The following BTC variants were observed in gnomAD, a reference collection of about 807,000 sequenced individuals.
BTC encodes the protein betacellulin.
Under a neutral mutation model 18.1 loss-of-function variants are expected in BTC, and 13 were observed. The ratio of observed to expected loss-of-function variants is 0.72; its 90% CI spans 0.47 to 1.14. The LOEUF is 1.14. Ranked by LOEUF, BTC falls within the 50% of genes most tolerant of loss-of-function variation. BTC has a pLI of 0.00. For missense variants in BTC, 247 were observed against 224.2 expected, an observed-to-expected ratio of 1.10 and a Z score of -0.65; for synonymous variants, 83 against 79.4, an observed-to-expected ratio of 1.05 and a Z score of -0.24.
At chr4:74,787,523 G>A (rs140816663) in intron 1 of BTC, among the ~76,000 whole-genome samples, 72 of 152,200 alleles carry the variant, frequency 4.7e-4, no homozygotes, top group African/African-American at 1.6e-3. Context: ...GCCATCTTGA[G>A]CAATATAAAA....
chr4:74,773,634 CAG>C (rs1368893501), intron 1 of BTC, among the ~76,000 whole-genome samples: 1 of 147,570 alleles, frequency 6.8e-6, no homozygotes, highest in East Asian at 2.0e-4. Context: ...TTTTTTTAGA[CAG>C]AGTCTCACTC....
At chr4:74,752,582 T>C (rs1477768695) in intron 3 of BTC, among the ~76,000 whole-genome samples, 1 of 152,004 alleles carries the variant, frequency 6.6e-6, no homozygotes, top group Non-Finnish European at 1.5e-5. Flanking sequence ...GTTTCCACCA[T>C]GTTAGCCAGG....
chr4:74,773,995 C>T lies in BTC; in HGVS notation c.65-3839G>A, dbSNP rs148326337. On this transcript the variant is annotated intron_variant, in intron 1 of 5. Coordinates refer to ENST00000395743, the MANE Select transcript of BTC (RefSeq NM_001729.4). The stretch of plus-strand genomic sequence containing the variant: ...GTAATAGGATAGAGAATCAACTCTG[C>T]CTAGTGGCAAAGACTTCATGGAGAA... Among the ~76,000 whole-genome samples, 21 of 152,190 alleles carry T rather than the reference C, an allele frequency of 1.4e-4. No homozygotes were observed. The East Asian group carries it at 3.7e-3, about 27-fold the overall frequency.
chr4:74,760,654 G>A (rs958916793), intron 2 of BTC, among the ~76,000 whole-genome samples: 2 of 151,986 alleles, frequency 1.3e-5, no homozygotes, highest in Admixed American at 1.3e-4. Flanking sequence ...TCTCACAGAG[G>A]TACATGTTAA....
chr4:74,760,833 C>T (rs1480914598), intron 2 of BTC, among the ~76,000 whole-genome samples: 4 of 151,626 alleles, frequency 2.6e-5, no homozygotes, highest in Non-Finnish European at 5.9e-5. Flanking sequence ...CTCCCGGGTT[C>T]ACGCCATTCT....
chr4:74,761,337 T>C (rs1553957304), intron 2 of BTC, among the ~76,000 whole-genome samples: 1 of 152,166 alleles, frequency 6.6e-6, no homozygotes, highest in Admixed American at 6.5e-5. Context: ...TCCCTGAACC[T>C]CTAAAATTTT....
chr4:74,754,528 G>A (rs1347049101), intron 3 of BTC, among the ~76,000 whole-genome samples: 1 of 152,176 alleles, frequency 6.6e-6, no homozygotes, highest in Non-Finnish European at 1.5e-5. Flanking sequence ...GAGATGATGA[G>A]TGCAGTGCAT....
intron 2 of BTC, among the ~76,000 whole-genome samples, chr4:74,765,974 C>A (rs568015954): frequency 6.6e-6 from 1 of 152,066 alleles, no homozygotes; most frequent in African/African-American, 2.4e-5. Context: ...TAGCTTATTG[C>A]TCTGAGGCTA....
intron 2 of BTC, among the ~76,000 whole-genome samples, chr4:74,758,478 C>T (rs1471027172): frequency 6.6e-6 from 1 of 152,076 alleles, no homozygotes; most frequent in African/African-American, 2.4e-5. Context: ...AGGAGATTAA[C>T]TCAAGAGGCA....
chr4:74,775,938 T>C (rs1725164503), intron 1 of BTC, among the ~76,000 whole-genome samples: 1 of 152,160 alleles, frequency 6.6e-6, no homozygotes, highest in Non-Finnish European at 1.5e-5. Flanking sequence ...CTGTCCTAAA[T>C]GCAAAGTCAA....
chr4:74,772,760 A>G (rs1056430347), intron 1 of BTC, among the ~76,000 whole-genome samples: 4 of 152,184 alleles, frequency 2.6e-5, no homozygotes, highest in Non-Finnish European at 2.9e-5. Context: ...TATTTTTAAA[A>G]AGAGCACGTG....
intron 1 of BTC, among the ~76,000 whole-genome samples, chr4:74,782,691 G>A (rs1267455624): frequency 2.6e-5 from 4 of 152,080 alleles, no homozygotes; most frequent in South Asian, 2.1e-4. Context: ...CTTCCACAAT[G>A]GTTAAACCAG....
intron 1 of BTC, among the ~76,000 whole-genome samples, chr4:74,783,704 G>A (rs1725400609): frequency 6.6e-6 from 1 of 150,994 alleles, no homozygotes; most frequent in African/African-American, 2.4e-5. Flanking sequence ...AATTACACTG[G>A]GCAGCATGAC....
intron 4 of BTC, among the ~76,000 whole-genome samples, chr4:74,750,190 T>G (rs148787619): frequency 4.8e-4 from 73 of 152,214 alleles, no homozygotes; most frequent in Non-Finnish European, 8.5e-4. Context: ...TTCTGGTATA[T>G]AATAGAAAGT....
At chr4:74,785,706 C>G (rs903452159) in intron 1 of BTC, among the ~76,000 whole-genome samples, 1 of 152,168 alleles carries the variant, frequency 6.6e-6, no homozygotes, top group East Asian at 1.9e-4. Flanking sequence ...ACCCTTTACC[C>G]ACTTTCAGCT....
chr4:74,763,814 A>T (rs1164235900), intron 2 of BTC, among the ~76,000 whole-genome samples: 3 of 152,132 alleles, frequency 2.0e-5, no homozygotes, highest in Non-Finnish European at 4.4e-5. Context: ...ATTAACAATA[A>T]TTTACTGCAT....
intron 1 of BTC, among the ~76,000 whole-genome samples, chr4:74,771,219 A>T (rs1400754660): frequency 6.6e-6 from 1 of 152,144 alleles, no homozygotes; most frequent in East Asian, 1.9e-4. Flanking sequence ...ATGGCTTAGG[A>T]ATTAGCTGGT....
At chr4:74,791,529 A>G (rs1369313361) in intron 1 of BTC, among the ~76,000 whole-genome samples, 1 of 152,184 alleles carries the variant, frequency 6.6e-6, no homozygotes, top group African/African-American at 2.4e-5. Flanking sequence ...TCGATAACAC[A>G]TAAACGTGTA....
intron 2 of BTC, among the ~76,000 whole-genome samples, chr4:74,760,251 T>A (rs1196196684): frequency 6.6e-6 from 1 of 152,190 alleles, no homozygotes; most frequent in African/African-American, 2.4e-5. Context: ...TAAATCTCTA[T>A]GTACAAATGT....
Sources: gnomAD v4.1 joint callset for allele counts (sites outside exome capture counted in the v4.1 genomes callset) on GRCh38, gnomAD v4.1.1 for gene constraint, MANE v1.5 for transcripts, NCBI Gene and HGNC (gene_info 2026-07-23, HGNC 2026-07-21) for gene names.